GSE1: variants seen among roughly 807,000 people sequenced by gnomAD.
The protein encoded by GSE1 is Gse1 coiled-coil protein.
GSE1 carries 32 observed loss-of-function variants against 112.6 expected under a neutral mutation model. The observed-to-expected ratio is 0.28, with a 90% CI of 0.21 to 0.38. GSE1 has a LOEUF of 0.38. Among genes scored for constraint, GSE1 ranks in the 10% least tolerant of loss-of-function variants. The probability of loss-of-function intolerance (pLI) is 1.00; values close to 1 mark genes in which losing one functional copy is unlikely to be tolerated. For missense variants in GSE1, 2,348 were observed against 1,699.2 expected, an observed-to-expected ratio of 1.38 and a Z score of -6.71; for synonymous variants, 1,115 against 735.6, an observed-to-expected ratio of 1.52 and a Z score of -8.35.
At chr16:85,227,194 C>T (rs1252436068) in intron 1 of GSE1, among the ~76,000 whole-genome samples, 1 of 152,164 alleles carries the variant, frequency 6.6e-6, no homozygotes, top group Non-Finnish European at 1.5e-5. Flanking sequence ...ATGCTGAAGA[C>T]ATAGCAATGA....
At chr16:85,426,483 T>C (rs1451900210) in intron 2 of GSE1, among the ~76,000 whole-genome samples, 4 of 107,346 alleles carry the variant, frequency 3.7e-5, no homozygotes, top group East Asian at 3.3e-4. Flanking sequence ...GGAGGGAGGG[T>C]AGATGTGTAT....
intron 2 of GSE1, among the ~76,000 whole-genome samples, chr16:85,495,923 A>G (rs1487654915): frequency 6.6e-6 from 1 of 152,206 alleles, no homozygotes; most frequent in East Asian, 1.9e-4. Flanking sequence ...AAAGGATGCC[A>G]GAGCCTGGAG....
At chr16:85,418,734 G>C (rs2048759721) in intron 2 of GSE1, among the ~76,000 whole-genome samples, 1 of 152,198 alleles carries the variant, frequency 6.6e-6, no homozygotes, top group South Asian at 2.1e-4. Flanking sequence ...AATAGAAAAA[G>C]GGGGACAAGC....
chr16:85,253,221 G>A (rs935108031), intron 1 of GSE1, among the ~76,000 whole-genome samples: 9 of 152,176 alleles, frequency 5.9e-5, no homozygotes, highest in Non-Finnish European at 1.3e-4. Context: ...CTCGCCGCCG[G>A]CGACTCACAG....
intron 2 of GSE1, among the ~76,000 whole-genome samples, chr16:85,401,894 G>T (rs925871892): frequency 6.6e-6 from 1 of 152,228 alleles, no homozygotes; most frequent in African/African-American, 2.4e-5. Context: ...GCGTGAGCCT[G>T]TGCTGGTTAC....
At chr16:85,178,176 G>A (rs1416041228) in intron 1 of GSE1, among the ~76,000 whole-genome samples, 1 of 152,196 alleles carries the variant, frequency 6.6e-6, no homozygotes, top group Non-Finnish European at 1.5e-5. Flanking sequence ...CCTATGGCAG[G>A]GTGAGAAACA....
intron 2 of GSE1, among the ~76,000 whole-genome samples, chr16:85,478,925 T>TCTCTCTCTC (rs2050578044): frequency 2.1e-5 from 1 of 46,782 alleles, no homozygotes; most frequent in African/African-American, 1.4e-4. Context: ...CTTTCTTTCT[T>TCTCTCTCTC]TCTCTTTCTT....
At chr16:85,365,312 T>C (rs1467961820) in intron 2 of GSE1, among the ~76,000 whole-genome samples, 1 of 152,230 alleles carries the variant, frequency 6.6e-6, no homozygotes, top group Non-Finnish European at 1.5e-5. Context: ...CCCAGGGCCA[T>C]GGCCTCAGTC....
At chr16:85,389,321 G>A (rs937919034) in intron 2 of GSE1, among the ~76,000 whole-genome samples, 1 of 152,270 alleles carries the variant, frequency 6.6e-6, no homozygotes, top group Admixed American at 6.5e-5. Flanking sequence ...TTAGCTGGGT[G>A]TGGTGGCAGG....
At chr16:85,496,234 C>T (rs558349947) in intron 2 of GSE1, among the ~76,000 whole-genome samples, 111 of 152,344 alleles carry the variant, frequency 7.3e-4, no homozygotes, top group Non-Finnish European at 1.3e-3. Flanking sequence ...ATCCATCTCC[C>T]GCCACCCCGT....
intron 2 of GSE1, among the ~76,000 whole-genome samples, chr16:85,400,722 CTG>C (rs1220926669): frequency 1.1e-4 from 17 of 148,822 alleles, no homozygotes; most frequent in African/African-American, 4.2e-4. Flanking sequence ...GTCTGTGTCT[CTG>C]TGTGGTGTGT....
intron 2 of GSE1, among the ~76,000 whole-genome samples, chr16:85,508,950 G>T (rs1358492339): frequency 6.6e-6 from 1 of 152,194 alleles, no homozygotes; most frequent in East Asian, 1.9e-4. Flanking sequence ...CAACAGCGCT[G>T]CTGGTCACTG....
At chr16:85,353,771 G>C (rs2046897222) in intron 1 of GSE1, among the ~76,000 whole-genome samples, 1 of 152,246 alleles carries the variant, frequency 6.6e-6, no homozygotes, top group Non-Finnish European at 1.5e-5. Context: ...TGCTGACCCT[G>C]GGAAGGGCTG....
intron 2 of GSE1, among the ~76,000 whole-genome samples, chr16:85,422,647 G>A (rs962323090): frequency 7.9e-5 from 12 of 152,086 alleles, no homozygotes; most frequent in African/African-American, 2.4e-4. Context: ...CGTTCTGGCC[G>A]CAAGAAGCGG....
intron 1 of GSE1, among the ~76,000 whole-genome samples, chr16:85,204,307 A>T (rs1307679275): frequency 6.6e-6 from 1 of 152,244 alleles, no homozygotes; most frequent in Non-Finnish European, 1.5e-5. Flanking sequence ...TGGCCGGATA[A>T]TACTCCACTG....
intron 2 of GSE1, among the ~76,000 whole-genome samples, chr16:85,484,691 C>A (rs541363800): frequency 6.6e-6 from 1 of 152,288 alleles, no homozygotes; most frequent in Non-Finnish European, 1.5e-5. Flanking sequence ...AGCTCAGTAA[C>A]CTCCTTCAAT....
chr16:85,628,177 C>T (rs935620546), intron 1 of GSE1, among the ~76,000 whole-genome samples: 28 of 152,394 alleles, frequency 1.8e-4, no homozygotes, highest in Admixed American at 1.7e-3. Context: ...GCCCCCGCCC[C>T]GCCTGCCCAG....
chr16:85,365,458 C>T lies in GSE1; in HGVS notation c.2464+7815C>T, dbSNP rs77677403. On this transcript the variant is annotated intron_variant, in intron 2 of 2. Coordinates refer to the GSE1 transcript ENST00000637419. ...CTCCTCCCAGGTCAAGCTGGGAACA[C>T]GAAAGAAGGAAGCCAGCAGAGGGCA... Among the ~76,000 whole-genome samples, 1,470 of 152,304 alleles carry T rather than the reference C, an allele frequency of 9.7e-3. 25 individuals carry two copies. Among genetic ancestry groups the T allele is most frequent in the African/African-American group, 0.034 (1,396 of 41,558 alleles).
chr16:85,439,772 C>G (rs961449494), intron 2 of GSE1, among the ~76,000 whole-genome samples: 1 of 152,210 alleles, frequency 6.6e-6, no homozygotes, highest in South Asian at 2.1e-4. Flanking sequence ...GACACACACA[C>G]AAAAGTGAGT....
Sources: allele counts gnomAD v4.1 joint callset (sites outside exome capture counted in the v4.1 genomes callset), GRCh38; gene constraint gnomAD v4.1.1; transcripts MANE v1.5; gene names NCBI Gene and HGNC (gene_info 2026-07-23, HGNC 2026-07-21).